Variants in KAZN observed in about 807,000 individuals in gnomAD.
KAZN encodes kazrin, periplakin interacting protein, also known as kazrin.
KAZN carries 40 observed loss-of-function variants against 87.4 expected under a neutral mutation model. That is an observed-to-expected ratio of 0.46 (90% CI 0.36 to 0.60). The LOEUF is 0.60. Among genes scored for constraint, KAZN ranks in the 20% least tolerant of loss-of-function variants. KAZN has a pLI of 0.00. For missense variants in KAZN, 898 were observed against 1,073.9 expected (o/e 0.84, Z 2.29); for synonymous variants, 466 against 458.3 (o/e 1.02, Z -0.22).
chr1:14,946,438 C>T (rs937566030), intron 1 of KAZN, among the ~76,000 whole-genome samples: 3 of 151,546 alleles, frequency 2.0e-5, no homozygotes, highest in Non-Finnish European at 2.9e-5. Context: ...CCCGGGTTCA[C>T]GCCATTCTCC....
At position 14,011,931 on chromosome 1, in the gene KAZN, T is replaced by C. The variant is rs115447188; in HGVS notation, c.91+118175T>C. Among the ~76,000 whole-genome samples, 666 of 152,334 alleles carry C rather than the reference T, an allele frequency of 4.4e-3. 7 individuals carry two copies. Among genetic ancestry groups the C allele is most frequent in the African/African-American group, 0.015 (633 of 41,582 alleles). ...CTGCAGCAGTAGTTCTCTTTGGGCA[T>C]GGTTCTACCTTTTAGGGGGTGTTTG... is the stretch of plus-strand genomic sequence containing the variant. On this transcript the variant is annotated intron_variant, in intron 1 of 16. Coordinates refer to the KAZN transcript ENST00000636203.
chr1:14,384,196 C>T (rs1661650489), intron 2 of KAZN, among the ~76,000 whole-genome samples: 1 of 151,402 alleles, frequency 6.6e-6, no homozygotes, highest in Non-Finnish European at 1.5e-5. Context: ...AGTTGCTTAT[C>T]AGCTTAAGGA....
At position 15,027,070 on chromosome 1, in the gene KAZN, C is replaced by CTTTTTTTTTTTT. The variant is rs71000358; in HGVS notation, c.419-7661_419-7650dup. Among the ~76,000 whole-genome samples, 61 of 56,120 alleles carry CTTTTTTTTTTTT rather than the reference C, an allele frequency of 1.1e-3. 9 individuals carry two copies. The highest frequency in any genetic ancestry group is 3.1e-3 in the African/African-American group (46 of 14,868). 36.8% of individuals were successfully genotyped at this position (56,120 alleles called of 152,430 possible). A position where few individuals can be genotyped will look rare whatever the true frequency, so the allele number is the denominator to read the frequency against. Reference sequence around the variant, plus strand: ...TAGGCAGATTCCCAAGCCAGTGCTTCTTTTTTTTTTTTTTTTTTTTTTTTT... The same window carrying CTTTTTTTTTTTT: ...TAGGCAGATTCCCAAGCCAGTGCTTCTTTTTTTTTTTTTTTTTTTTTTTTTTTTTTTTTTTTT... On this transcript the variant is annotated intron_variant, in intron 2 of 14. Transcript: ENST00000376030.
intron 2 of KAZN, among the ~76,000 whole-genome samples, chr1:14,333,400 A>G (rs1656989939): frequency 6.6e-6 from 1 of 152,174 alleles, no homozygotes; most frequent in Admixed American, 6.5e-5. Flanking sequence ...GGAAGTTTAA[A>G]TAAGAACTGG....
At chr1:14,318,565 G>C (rs1291170684) in intron 2 of KAZN, among the ~76,000 whole-genome samples, 1 of 151,972 alleles carries the variant, frequency 6.6e-6, no homozygotes, top group East Asian at 1.9e-4. Context: ...GGGATTCCTT[G>C]AGTTTCTTAG....
chr1:14,543,771 C>T (rs533865074), intron 2 of KAZN, among the ~76,000 whole-genome samples: 48 of 152,312 alleles, frequency 3.2e-4, no homozygotes, highest in African/African-American at 1.2e-3. Flanking sequence ...GTATTTCACA[C>T]ATTAGAAATT....
In KAZN at chr1:14,354,717, A is replaced by G. The variant is rs796888380; in HGVS notation, c.249+174125A>G. Among the ~76,000 whole-genome samples, 182 of 151,644 alleles carry G rather than the reference A, an allele frequency of 1.2e-3. 1 individual carries two copies. The highest frequency in any genetic ancestry group is 4.0e-3 in the African/African-American group (165 of 41,370). On this transcript the variant is annotated intron_variant, in intron 2 of 16. Coordinates refer to the KAZN transcript ENST00000636203. ...AAACCTGACAATGCCAAATGTTGGC[A>G]AGGACCTGGATCAACTGGAACACCC...
At chr1:15,034,638 C>T in intron 2 of KAZN, 111 bp from the exon 3 acceptor site, 1 of 1,310,664 alleles carries the variant, frequency 7.6e-7, no homozygotes, top group Non-Finnish European at 1.1e-6. Flanking sequence ...TTTCTGAGCC[C>T]TGTTTTCTCA....
chr1:14,203,329 C>T (rs1206672630), intron 2 of KAZN, among the ~76,000 whole-genome samples: 1 of 152,116 alleles, frequency 6.6e-6, no homozygotes, highest in Non-Finnish European at 1.5e-5. Context: ...AGGGCACAGC[C>T]ATGAACCTAA....
chr1:14,944,935 C>T (rs150158085), intron 1 of KAZN, among the ~76,000 whole-genome samples: 3 of 152,302 alleles, frequency 2.0e-5, no homozygotes, highest in Non-Finnish European at 2.9e-5. Context: ...GGCTTCCTTC[C>T]GAGTTACATT....
rs561870431 is a variant in KAZN at position 14,746,749 on chromosome 1, G to A, written c.226+147526G>A. Among the ~76,000 whole-genome samples, 14 of 152,272 alleles carry A rather than the reference G, an allele frequency of 9.2e-5. 1 individual carries two copies. The highest frequency in any genetic ancestry group is 3.1e-4 in the African/African-American group (13 of 41,572). ...GGTTTTAGTCAGTGGAAAGTGGGGT[G>A]CCATGAGTCTCTGTACCAGAACAAG... is the stretch of plus-strand genomic sequence containing the variant. On this transcript the variant is annotated intron_variant, in intron 1 of 14. Coordinates refer to ENST00000376030, the MANE Select transcript of KAZN (RefSeq NM_201628.3).
chr1:13,929,118 G>A (rs1014567938), intron 1 of KAZN, among the ~76,000 whole-genome samples: 1 of 143,688 alleles, frequency 7.0e-6, no homozygotes, highest in South Asian at 2.2e-4. Flanking sequence ...GCAGTGGCAG[G>A]ATCATAGCTC....
intron 1 of KAZN, among the ~76,000 whole-genome samples, chr1:14,031,716 A>G (rs1424151783): frequency 6.6e-6 from 1 of 152,192 alleles, no homozygotes; most frequent in Non-Finnish European, 1.5e-5. Flanking sequence ...CTTTGACGCT[A>G]CTTTTATCTC....
chr1:14,176,566 A>G (rs893751716), intron 1 of KAZN, among the ~76,000 whole-genome samples: 1 of 152,124 alleles, frequency 6.6e-6, no homozygotes, highest in Non-Finnish European at 1.5e-5. Context: ...ATCAGGCCAT[A>G]TTCTTTCTAG....
chr1:14,387,218 A>T (rs1037280938), intron 2 of KAZN, among the ~76,000 whole-genome samples: 14 of 151,736 alleles, frequency 9.2e-5, no homozygotes. Context: ...ATTCTTCTAA[A>T]TTTTTTTCAA....
chr1:14,959,266 G>A (rs1340969234), intron 1 of KAZN, among the ~76,000 whole-genome samples: 9 of 152,206 alleles, frequency 5.9e-5, no homozygotes, highest in South Asian at 2.1e-4. Flanking sequence ...ACCCTTCCAC[G>A]CAGGTGATGT....
At chr1:14,104,410 AT>A (rs907095790) in intron 1 of KAZN, among the ~76,000 whole-genome samples, 64 of 150,846 alleles carry the variant, frequency 4.2e-4, no homozygotes, top group African/African-American at 1.2e-3. Flanking sequence ...GGATGTGGTG[AT>A]TTTTTTTTTA....
At chr1:15,006,603 G>A (rs1557709039) in intron 2 of KAZN, among the ~76,000 whole-genome samples, 1 of 152,224 alleles carries the variant, frequency 6.6e-6, no homozygotes, top group Non-Finnish European at 1.5e-5. Flanking sequence ...CTATGTTCCA[G>A]ACACTGTCCT....
chr1:14,555,048 C>G (rs1008359952), intron 2 of KAZN, among the ~76,000 whole-genome samples: 1 of 152,200 alleles, frequency 6.6e-6, no homozygotes, highest in Non-Finnish European at 1.5e-5. Flanking sequence ...GGACTGTCAT[C>G]AAATACCTCT....
Sources: allele counts gnomAD v4.1 joint callset (sites outside exome capture counted in the v4.1 genomes callset), GRCh38; gene constraint gnomAD v4.1.1; transcripts MANE v1.5; gene names NCBI Gene and HGNC (gene_info 2026-07-23, HGNC 2026-07-21).